Variants in MED26 observed in about 807,000 individuals in gnomAD.
MED26 encodes the protein mediator complex subunit 26.
A neutral mutation model predicts 43.7 loss-of-function variants in MED26; 7 were observed. The observed-to-expected ratio is 0.16, with a 90% CI of 0.09 to 0.30. The LOEUF (loss-of-function observed/expected upper bound fraction) is 0.30. Among genes scored for constraint, MED26 ranks in the 10% least tolerant of loss-of-function variants. The pLI, the probability that MED26 is intolerant of heterozygous loss-of-function variation, is 1.00. For missense variants in MED26, 784 were observed against 840.6 expected (o/e 0.93, Z 0.83); for synonymous variants, 375 against 371.1 (o/e 1.01, Z -0.12).
At chr19:16,626,455 A>G (rs2086275525) in intron 1 of MED26, among the ~76,000 whole-genome samples, 1 of 152,214 alleles carries the variant, frequency 6.6e-6, no homozygotes, top group Non-Finnish European at 1.5e-5. Flanking sequence ...AAAAATGTAC[A>G]ATATAACATT....
At chr19:16,625,205 CT>C (rs2086268961) in intron 1 of MED26, among the ~76,000 whole-genome samples, 1 of 152,204 alleles carries the variant, frequency 6.6e-6, no homozygotes, top group South Asian at 2.1e-4. Context: ...AGAGGATTTA[CT>C]TTATTACTGA....
chr19:16,576,704 A>G lies in MED26; in HGVS notation c.1126T>C (p.Ser376Pro). 6.2e-7 allele frequency: 1 copy of G among 1,613,246 alleles called. No individual in the cohort carries two copies. The highest frequency in any genetic ancestry group is 8.5e-7 in the Non-Finnish European group (1 of 1,179,970). Residue 376 changes from serine (S) to proline (P), a missense_variant, in exon 3 of 3, where the codon TCC becomes CCC. Ser to Pro is a moderately conservative substitution (Grantham distance 74, BLOSUM62 -1). Around this residue, in one of 3 missense-constraint regions of MED26, gnomAD observed 719 missense variants for 730.9 expected, o/e 0.98. Coordinates refer to ENST00000263390, the MANE Select transcript of MED26 (RefSeq NM_004831.5). This position sits in a 1 kb window ranked among gnomAD's most constrained non-coding sequence, Gnocchi z 6.8. ...LLSRAGFSPD[S>P]SKADSDAASS... is the part of the protein sequence containing the mutation. ...GCAGCATCACTGTCCGCCTTGGAGG[A>G]GTCTGGGGAAAAGCCTGCCCGGGAC...
intron 1 of MED26, among the ~76,000 whole-genome samples, chr19:16,594,369 G>T (rs995242932): frequency 3.9e-5 from 6 of 152,260 alleles, no homozygotes; most frequent in African/African-American, 1.4e-4. Flanking sequence ...AGCCCCAAGT[G>T]GGGTGGAGCG....
intron 1 of MED26, among the ~76,000 whole-genome samples, chr19:16,621,088 T>G (rs983993608): frequency 6.6e-6 from 1 of 152,208 alleles, no homozygotes; most frequent in South Asian, 2.1e-4. Context: ...GGGTACACCT[T>G]GGAAGACGCA....
chr19:16,627,962 G>T lies in MED26; in HGVS notation c.-19C>A. On this transcript the variant is annotated 5_prime_UTR_variant, in exon 1 of 3. Transcript: ENST00000263390. ...CTGTCATTGCCTGGGCGAGGCGGGG[G>T]GTTGCGGCCGGGCCAGCGGGCGGGC... 1 of 1,436,930 alleles carries T rather than the reference G, an allele frequency of 7.0e-7. No individual in the cohort carries two copies. The highest frequency in any genetic ancestry group is 9.2e-7 in the Non-Finnish European group (1 of 1,091,130). The allele number at this position is 1,436,930 out of a possible 1,614,324, so 89.0% of individuals were successfully genotyped here.
intron 1 of MED26, among the ~76,000 whole-genome samples, chr19:16,626,578 T>A (rs2122467407): frequency 6.6e-6 from 1 of 152,170 alleles, no homozygotes; most frequent in African/African-American, 2.4e-5. Context: ...AACCCTTCAG[T>A]CTTAACCAAA....
chr19:16,627,181 G>A (rs1466452816), intron 1 of MED26, among the ~76,000 whole-genome samples: 2 of 152,124 alleles, frequency 1.3e-5, no homozygotes, highest in Admixed American at 1.3e-4. Context: ...GGTCAGAGAC[G>A]CAATGGGTAC....
chr19:16,598,209 C>A (rs1194521127), intron 1 of MED26, among the ~76,000 whole-genome samples: 4 of 151,684 alleles, frequency 2.6e-5, no homozygotes, highest in Non-Finnish European at 5.9e-5. Context: ...AGGTGGTGCA[C>A]ATCTGTAATT....
chr19:16,579,400 C>T (rs866792170), intron 1 of MED26, among the ~76,000 whole-genome samples: 13 of 152,198 alleles, frequency 8.5e-5, no homozygotes, highest in African/African-American at 3.1e-4. Context: ...ATACACGTGC[C>T]CCACTGACAA....
At chr19:16,616,857 G>C (rs1261582657) in intron 1 of MED26, among the ~76,000 whole-genome samples, 1 of 152,142 alleles carries the variant, frequency 6.6e-6, no homozygotes, top group Admixed American at 6.5e-5. Context: ...GAACCAGGTA[G>C]GCAGACACCC....
In MED26 at chr19:16,578,317, G is replaced by T. The variant is rs1269125675; in HGVS notation, c.147+18C>A. ...CCCCCGTTCTGCCCTCCCAAATGCTGGGGTCTGGGATACTCACCTCAAGTG... is the reference window on the plus strand; with the variant it reads ...CCCCCGTTCTGCCCTCCCAAATGCTTGGGTCTGGGATACTCACCTCAAGTG... On this transcript the variant is annotated intron_variant, in intron 2 of 2. Transcript: ENST00000263390. The T allele has an allele frequency of 2.5e-6, 4 of 1,612,142 alleles. No homozygotes were observed. The Admixed American group carries it at 6.7e-5, about 27-fold the overall frequency.
chr19:16,593,329 CT>C (rs1568283530), intron 1 of MED26, among the ~76,000 whole-genome samples: 5 of 152,182 alleles, frequency 3.3e-5, no homozygotes, highest in African/African-American at 1.2e-4. Context: ...AGCTCCTCCC[CT>C]GGTCATCTGG....
rs748627855 is a variant in MED26 at position 16,577,536 on chromosome 19, C to T, written c.294G>A (p.Ala98=). 3.7e-5 allele frequency: 59 copies of T among 1,605,882 alleles called. 1 individual carries two copies. The highest frequency in any genetic ancestry group is 1.7e-4 in the Middle Eastern group (1 of 5,784). ...CCCCGTTGGCAGAGCCGGTGGCCCC[C>T]GCCAGCCCCCGCAGCGCCGCCTCAT... is the stretch of plus-strand genomic sequence containing the variant. ...HQHEAALRGL[A]GATGSANGGA... is the part of the protein sequence containing the mutation. Residue 98 remains alanine (A), a synonymous_variant, in exon 3 of 3, where the codon GCG becomes GCA. Transcript: ENST00000263390. The surrounding 1 kb of genome is among the most constrained non-coding windows in gnomAD (Gnocchi z 8.1).
At chr19:16,613,640 C>G (rs2086209757) in intron 1 of MED26, among the ~76,000 whole-genome samples, 1 of 152,240 alleles carries the variant, frequency 6.6e-6, no homozygotes, top group Admixed American at 6.5e-5. Flanking sequence ...AGGAGTCGGG[C>G]TCACAGCTGT....
At position 16,575,843 on chromosome 19, in the gene MED26, C is replaced by T; in HGVS notation, c.*184G>A. 1 of 602,898 alleles carries T rather than the reference C, an allele frequency of 1.7e-6. No individual in the cohort carries two copies. Among genetic ancestry groups the T allele is most frequent in the East Asian group, 2.8e-5 (1 of 36,034 alleles). The allele number at this position is 602,898 out of a possible 1,614,324, so 37.3% of individuals were successfully genotyped here. A position where few individuals can be genotyped will look rare whatever the true frequency, so the allele number is the denominator to read the frequency against. On this transcript the variant is annotated 3_prime_UTR_variant, in exon 3 of 3. Coordinates refer to ENST00000263390, the MANE Select transcript of MED26 (RefSeq NM_004831.5). The stretch of plus-strand genomic sequence containing the variant: ...TTAGTAAACTGGTAGCAGCATTTCA[C>T]AAAAAGAGTTTTGAGGGAAGAGCGC...
Position 16,605,903 on chromosome 19 carries a change from G to A in MED26, c.72+21969C>T, listed in dbSNP as rs962198028. ...GCTTTTTCAAAGTTGTCTTCCTATC[G>A]AACTCCTGGTTACAAAGAGCCAAAG... On this transcript the variant is annotated intron_variant, in intron 1 of 2. Transcript: ENST00000263390. 1.8e-4 allele frequency among the ~76,000 whole-genome samples: 28 copies of A among 152,284 alleles called. 1 individual carries two copies. Among genetic ancestry groups the A allele is most frequent in the African/African-American group, 6.0e-4 (25 of 41,558 alleles).
At chr19:16,585,311 G>A (rs1295724046) in intron 1 of MED26, among the ~76,000 whole-genome samples, 2 of 152,136 alleles carry the variant, frequency 1.3e-5, no homozygotes, top group Non-Finnish European at 2.9e-5. Context: ...ACGCTAGGTC[G>A]ACAGTTCCTT....
intron 1 of MED26, 102 bp downstream of exon 1, chr19:16,627,770 G>T: frequency 1.3e-6 from 1 of 796,000 alleles, no homozygotes; most frequent in Non-Finnish European, 1.8e-6. Context: ...GGAGGTGGGC[G>T]CCAGACGGGT....
intron 1 of MED26, among the ~76,000 whole-genome samples, chr19:16,600,859 C>T (rs1463951610): frequency 6.6e-6 from 1 of 152,156 alleles, no homozygotes; most frequent in African/African-American, 2.4e-5. Flanking sequence ...CTTTGGGAGG[C>T]CAGGCGGGTG....
Sources: gnomAD v4.1 joint callset for allele counts (sites outside exome capture counted in the v4.1 genomes callset) on GRCh38, gnomAD v4.1.1 for gene constraint, gnomAD v4.1.1 regional missense constraint, Gnocchi (gnomAD v3.1) non-coding constraint, MANE v1.5 for transcripts, NCBI Gene and HGNC (gene_info 2026-07-23, HGNC 2026-07-21) for gene names.